MAZ: variants seen among roughly 807,000 people sequenced by gnomAD.
MAZ encodes myc-associated zinc finger protein.
MAZ carries 4 observed loss-of-function variants against 32.7 expected under a neutral mutation model. That is an observed-to-expected ratio of 0.12 (90% CI 0.06 to 0.28). The LOEUF is 0.28. Ranked by LOEUF, MAZ falls within the 10% of genes least tolerant of loss-of-function variation. The pLI is 1.00. For missense variants in MAZ, 763 were observed against 667.2 expected, an observed-to-expected ratio of 1.14 and a Z score of -1.58; for synonymous variants, 510 against 297.6, an observed-to-expected ratio of 1.71 and a Z score of -7.35.
rs1034211254 is a variant in MAZ at position 29,807,321 on chromosome 16, C to T, written c.536C>T (p.Ala179Val). The change falls in exon 2 of 5, where the codon GCC (alanine) becomes GTC (valine). Residue 179 changes from alanine to valine, a missense_variant. Ala to Val is a moderately conservative substitution (Grantham distance 64). Transcript: ENST00000322945. ...GTCGCCGTGGCCCCGGTCGCGTCTG[C>T]CTTGGAGAAGAAGACAAAGAGCAAG... ...STVAVAPVAS[A>V]LEKKTKSKGP... is the part of the protein sequence containing the mutation. 3.7e-6 allele frequency: 6 copies of T among 1,606,638 alleles called. No homozygotes were observed. Among genetic ancestry groups the T allele is most frequent in the Non-Finnish European group, 5.1e-6 (6 of 1,177,350 alleles).
At chr16:29,808,963 G>T in intron 4 of MAZ, 1 of 571,982 alleles carries the variant, frequency 1.7e-6, no homozygotes, top group Non-Finnish European at 3.1e-6. Context: ...TGAACCTCCT[G>T]GTAATGTGTG....
intron 2 of MAZ, 79 bp downstream of exon 2, chr16:29,807,907 G>T: frequency 6.4e-7 from 1 of 1,552,914 alleles, no homozygotes. Context: ...GTGGCTGGCG[G>T]GGAGGGAGGC....
chr16:29,809,790 G>T, intron 4 of MAZ: 2 of 1,225,946 alleles, frequency 1.6e-6, no homozygotes, highest in East Asian at 2.6e-5. Context: ...TGGCTGGGGG[G>T]CGGGATGGGG....
Position 29,810,125 on chromosome 16 carries a change from C to T in MAZ, c.1328C>T (p.Ala443Val), listed in dbSNP as rs1004648374. 3 of 1,605,164 alleles carry T rather than the reference C, an allele frequency of 1.9e-6. No individual in the cohort carries two copies. The highest frequency in any genetic ancestry group is 1.3e-5 in the African/African-American group (1 of 74,494). ...PMAAAAAAAA[A>V]AAAAAVAAPP... Reference sequence around the variant, plus strand: ...GCGGCGGCAGCGGCAGCGGCGGCAGCGGCAGCAGCGGCAGCAGTAGCAGCC... The same window carrying T: ...GCGGCGGCAGCGGCAGCGGCGGCAGTGGCAGCAGCGGCAGCAGTAGCAGCC... The change falls in exon 5 of 5, where the codon GCG becomes GTG. Residue 443 changes from alanine to valine, a missense_variant. Physicochemically the swap from Ala to Val is moderately conservative, Grantham distance 64 (BLOSUM62 0). Transcript: ENST00000322945.
chr16:29,808,707 G>A lies in MAZ; in HGVS notation c.1245G>A (p.Gln415=). The part of the protein sequence containing the change: ...YISDHMKVHS[Q]GPHHVCELCN... ...CGGACCACATGAAGGTGCACAGCCAGGGTCCTCACCATGTCTGTGAGCTCT... is the reference window on the plus strand; with the variant it reads ...CGGACCACATGAAGGTGCACAGCCAAGGTCCTCACCATGTCTGTGAGCTCT... Residue 415 remains glutamine, a synonymous_variant, in exon 4 of 5, where the codon CAG becomes CAA. Coordinates refer to ENST00000322945, the MANE Select transcript of MAZ (RefSeq NM_002383.4). 1.9e-6 allele frequency: 3 copies of A among 1,614,002 alleles called. No individual in the cohort carries two copies. Among genetic ancestry groups the A allele is most frequent in the Non-Finnish European group, 2.5e-6 (3 of 1,179,986 alleles).
rs1899502864 is a variant in MAZ, at chr16:29,806,911, C to T, written c.192+18C>T. On this transcript the variant is annotated intron_variant, in intron 1 of 4. Transcript: ENST00000322945. ...CATTCCAGGTGAGTAGGGCCGGCCG[C>T]GGCGGCCCGGGCTGGGGGGGGACGC... 8.0e-6 allele frequency: 10 copies of T among 1,247,566 alleles called. No individual in the cohort carries two copies. Among genetic ancestry groups the T allele is most frequent in the Admixed American group, 4.0e-5 (1 of 25,030 alleles). 77.3% of individuals were successfully genotyped at this position (1,247,566 alleles called of 1,614,324 possible).
Position 29,810,252 on chromosome 16 carries a change from G to T in MAZ, c.*21G>T. 6.4e-7 allele frequency: 1 copy of T among 1,566,822 alleles called. No homozygotes were observed. On this transcript the variant is annotated 3_prime_UTR_variant, in exon 5 of 5. Transcript: ENST00000322945. ...GGTGAGCTCCAAGTTGGTTGCGGGG[G>T]AGAGGGGAGAATGGAGTAGAGTCCC... is the stretch of plus-strand genomic sequence containing the variant.
At position 29,808,309 on chromosome 16, in the gene MAZ, C is replaced by T. The variant is rs372114922; in HGVS notation, c.1107+16C>T. ...CAAATGTGAGGTAGGAAGCCCGCCT[C>T]CTCCTGTCTTGGTTTTCATGATTTT... On this transcript the variant is annotated intron_variant, in intron 3 of 4. Transcript: ENST00000322945. 9.1e-5 allele frequency: 147 copies of T among 1,611,820 alleles called. No homozygotes were observed. The highest frequency in any genetic ancestry group is 1.6e-4 in the East Asian group (7 of 44,866).
At position 29,810,370 on chromosome 16, in the gene MAZ, T is replaced by C; in HGVS notation, c.*139T>C. 1.1e-6 allele frequency: 1 copy of C among 915,410 alleles called. No individual in the cohort carries two copies. Among genetic ancestry groups the C allele is most frequent in the Non-Finnish European group, 1.7e-6 (1 of 578,224 alleles). 56.7% of individuals were successfully genotyped at this position (915,410 alleles called of 1,614,324 possible). Reference sequence around the variant, plus strand: ...CAGAAGGAAAGGAGGAAGAAATGTTTTCTTAGGGGAATTCGCTAGGTTTTA... The same window carrying C: ...CAGAAGGAAAGGAGGAAGAAATGTTCTCTTAGGGGAATTCGCTAGGTTTTA... On this transcript the variant is annotated 3_prime_UTR_variant, in exon 5 of 5. Transcript: ENST00000322945.
intron 4 of MAZ, 158 bp downstream of exon 4, chr16:29,808,899 ACAT>A (rs1899728690): frequency 3.1e-6 from 2 of 640,952 alleles, no homozygotes; most frequent in Admixed American, 6.0e-5. Flanking sequence ...ACCTGAATGA[ACAT>A]CATTAGACTC....
At chr16:29,809,971 G>A (rs1899822326) in intron 4 of MAZ, 106 bp from the exon 5 acceptor site, 2 of 1,520,044 alleles carry the variant, frequency 1.3e-6, no homozygotes, top group South Asian at 1.3e-5. Flanking sequence ...GATAGGAAGT[G>A]AGCAACGGCT....
In MAZ at chr16:29,810,108, A is replaced by T; in HGVS notation, c.1311A>T (p.Ala437=). 1 of 1,542,884 alleles carries T rather than the reference A, an allele frequency of 6.5e-7. No individual in the cohort carries two copies. Among genetic ancestry groups the T allele is most frequent in the South Asian group, 1.3e-5 (1 of 75,410 alleles). The change falls in exon 5 of 5, where the codon GCA becomes GCT. Residue 437 remains alanine, a synonymous_variant. Coordinates refer to ENST00000322945, the MANE Select transcript of MAZ (RefSeq NM_002383.4). ...GTGEVCPMAA[A]AAAAAAAAAA... is the part of the protein sequence containing the mutation. ...GTGAGGTTTGTCCAATGGCGGCGGC[A>T]GCGGCAGCGGCGGCAGCGGCAGCAG...
Position 29,808,567 on chromosome 16 carries a change from C to T in MAZ, c.1108-3C>T. 1 of 1,605,840 alleles carries T rather than the reference C, an allele frequency of 6.2e-7. No individual in the cohort carries two copies. On this transcript the variant is annotated splice_region_variant and splice_polypyrimidine_tract_variant and intron_variant, in intron 3 of 4. Coordinates refer to ENST00000322945, the MANE Select transcript of MAZ (RefSeq NM_002383.4). ...ACCCCCCACGCCCCTCCCCCCTCCT[C>T]AGAAATGTGAGGCAGCTTTCGCCAC... is the stretch of plus-strand genomic sequence containing the variant.
Position 29,807,698 on chromosome 16 carries a change from A to G in MAZ, c.913A>G (p.Lys305Glu). The G allele has an allele frequency of 1.2e-6, 2 of 1,612,950 alleles. No homozygotes were observed. The highest frequency in any genetic ancestry group is 1.7e-6 in the Non-Finnish European group (2 of 1,179,990). Residue 305 changes from lysine (K) to glutamate (E), a missense_variant, in exon 2 of 5, where the codon AAG (lysine) becomes GAG (glutamate). Transcript: ENST00000322945. Reference protein sequence around the residue: ...NRHKLSHSDEKPYQCPVCQQR... With the variant: ...NRHKLSHSDEEPYQCPVCQQR... ...ACACAAGCTGTCGCACTCGGACGAGAAGCCCTACCAGTGCCCGGTGTGCCA... is the reference window on the plus strand; with the variant it reads ...ACACAAGCTGTCGCACTCGGACGAGGAGCCCTACCAGTGCCCGGTGTGCCA...
Position 29,806,805 on chromosome 16 carries a change from A to C in MAZ, c.104A>C (p.Gln35Pro). The change falls in exon 1 of 5, where the codon CAG becomes CCG. Residue 35 changes from glutamine to proline, a missense_variant. Gln to Pro is a moderately conservative substitution (Grantham distance 76, BLOSUM62 -1). Coordinates refer to ENST00000322945, the MANE Select transcript of MAZ (RefSeq NM_002383.4). ...CTCATGAACTCCTTCCCGCCACCTC[A>C]GGGTCACGCCCAGAACCCCCTGCAG... Reference protein sequence around the residue: ...GGLMNSFPPPQGHAQNPLQVG... With the variant: ...GGLMNSFPPPPGHAQNPLQVG... 1 of 1,429,368 alleles carries C rather than the reference A, an allele frequency of 7.0e-7. No homozygotes were observed. The highest frequency in any genetic ancestry group is 9.2e-7 in the Non-Finnish European group (1 of 1,083,646). The allele number at this position is 1,429,368 out of a possible 1,614,324, so 88.5% of individuals were successfully genotyped here.
chr16:29,808,153 G>C, intron 2 of MAZ, 77 bp from the exon 3 acceptor site: 2 of 1,312,012 alleles, frequency 1.5e-6, no homozygotes, highest in Admixed American at 3.4e-5. Flanking sequence ...AGGGATCCTC[G>C]GAAAGGCCTG....
intron 4 of MAZ, chr16:29,808,966 A>G: frequency 1.8e-6 from 1 of 571,238 alleles, no homozygotes; most frequent in South Asian, 2.3e-5. Context: ...ACCTCCTGGT[A>G]ATGTGTGGGG....
Position 29,807,079 on chromosome 16 carries a change from T to C in MAZ, c.294T>C (p.Ala98=), listed in dbSNP as rs1432348921. 9.9e-7 allele frequency: 1 copy of C among 1,012,136 alleles called. No homozygotes were observed. The highest frequency in any genetic ancestry group is 1.2e-6 in the Non-Finnish European group (1 of 848,194). 62.7% of individuals were successfully genotyped at this position (1,012,136 alleles called of 1,614,324 possible). Residue 98 remains alanine, a synonymous_variant, in exon 2 of 5, where the codon GCT becomes GCC. Transcript: ENST00000322945. ...CCGCCGCCCAGGAGTCCGCCGCGGC[T>C]GCTGCGGCCGCTGCCGCCGCTGCTG... The part of the protein sequence containing the change: ...VLAAAQESAA[A]AAAAAAAAAA...
At position 29,806,973 on chromosome 16, in the gene MAZ, C is replaced by T. The variant is rs1173256824; in HGVS notation, c.193-5C>T. The T allele has an allele frequency of 9.7e-7, 1 of 1,035,928 alleles. No homozygotes were observed. The allele number at this position is 1,035,928 out of a possible 1,614,324, so 64.2% of individuals were successfully genotyped here. ...CGCGGCCCACTCGGCGCCTTGTCTC[C>T]GCAGGCCGCGCCGGCGCCCCCGCCC... is the stretch of plus-strand genomic sequence containing the variant. On this transcript the variant is annotated splice_polypyrimidine_tract_variant and splice_region_variant and intron_variant, in intron 1 of 4. Transcript: ENST00000322945.
Sources: allele counts gnomAD v4.1 joint callset, GRCh38; gene constraint gnomAD v4.1.1; transcripts MANE v1.5; gene names NCBI Gene and HGNC (gene_info 2026-07-23, HGNC 2026-07-21).